The following IGSF21 variants were observed in gnomAD, a reference collection of about 807,000 sequenced individuals.
IGSF21 encodes immunoglobulin superfamily member 21.
IGSF21 carries 28 observed loss-of-function variants against 46.8 expected under a neutral mutation model. The ratio of observed to expected loss-of-function variants is 0.60; its 90% CI spans 0.44 to 0.82. The LOEUF (loss-of-function observed/expected upper bound fraction) is 0.82. Among genes scored for constraint, IGSF21 ranks in the 40% least tolerant of loss-of-function variants. The pLI, the probability that IGSF21 is intolerant of heterozygous loss-of-function variation, is 0.00. For synonymous variants in IGSF21, 284 were observed against 273.6 expected, an observed-to-expected ratio of 1.04 and a Z score of -0.38; for missense variants, 624 against 665.5, an observed-to-expected ratio of 0.94 and a Z score of 0.69.
chr1:18,166,790 G>A (rs1333590262), intron 1 of IGSF21: 1 of 152,494 alleles, frequency 6.6e-6, no homozygotes, highest in Non-Finnish European at 1.5e-5. Context: ...CCCAAATGGG[G>A]AAGGGAGACT....
rs117354253 is a variant in IGSF21, at chr1:18,148,035, T to A, written c.70+39837T>A. ...AAGACATCTCTTTGCTCTTCCTTCA[T>A]CTTTCGCCATGATTGTGAGGCCTCC... On this transcript the variant is annotated intron_variant, in intron 1 of 9. Transcript: ENST00000251296. Among the ~76,000 whole-genome samples the A allele has an allele frequency of 3.1e-3, 465 of 152,236 alleles. 13 individuals carry two copies. The East Asian group carries it at 0.074, about 24-fold the overall frequency.
chr1:18,362,856 A>G (rs2086116994), intron 5 of IGSF21, among the ~76,000 whole-genome samples: 1 of 152,206 alleles, frequency 6.6e-6, no homozygotes, highest in Non-Finnish European at 1.5e-5. Flanking sequence ...GGGGTGGGGC[A>G]GGAGGTGCAG....
At chr1:18,315,962 A>G (rs547314645) in intron 3 of IGSF21, among the ~76,000 whole-genome samples, 1 of 152,290 alleles carries the variant, frequency 6.6e-6, no homozygotes, top group East Asian at 1.9e-4. Flanking sequence ...CCTCCAGCAT[A>G]TGCTTGACAT....
chr1:18,343,735 C>T (rs1193129334), intron 4 of IGSF21, among the ~76,000 whole-genome samples: 1 of 152,210 alleles, frequency 6.6e-6, no homozygotes, highest in Non-Finnish European at 1.5e-5. Flanking sequence ...GCATCCTTGT[C>T]GAAAATCAAT....
intron 3 of IGSF21, among the ~76,000 whole-genome samples, chr1:18,304,708 T>TAC (rs931235898): frequency 0.029 from 1,867 of 63,318 alleles, 22 homozygotes; most frequent in South Asian, 0.068. Context: ...CACACACACA[T>TAC]ACACACACAC....
chr1:18,289,202 C>T (rs116363054), intron 2 of IGSF21, among the ~76,000 whole-genome samples: 2,125 of 152,206 alleles, frequency 0.014, 23 homozygotes, highest in Non-Finnish European at 0.019. Flanking sequence ...ATAAGGGCTG[C>T]CGCATTTTAG....
At chr1:18,354,034 A>G (rs933996006) in intron 4 of IGSF21, among the ~76,000 whole-genome samples, 1 of 152,246 alleles carries the variant, frequency 6.6e-6, no homozygotes, top group Non-Finnish European at 1.5e-5. Flanking sequence ...TCCAGGGAAC[A>G]CGCACTCTAG....
intron 2 of IGSF21, among the ~76,000 whole-genome samples, chr1:18,276,735 G>A (rs2085106463): frequency 6.6e-6 from 1 of 152,074 alleles, no homozygotes; most frequent in African/African-American, 2.4e-5. Flanking sequence ...ATCTACACTG[G>A]GGTTTCTGTT....
intron 2 of IGSF21, among the ~76,000 whole-genome samples, chr1:18,241,124 G>GT (rs2084723194): frequency 6.6e-6 from 1 of 152,204 alleles, no homozygotes; most frequent in African/African-American, 2.4e-5. Context: ...ACACCTGGGA[G>GT]TTGAGAGGAG....
chr1:18,139,200 T>C (rs1053695827), intron 1 of IGSF21, among the ~76,000 whole-genome samples: 8 of 152,234 alleles, frequency 5.3e-5, no homozygotes, highest in Non-Finnish European at 1.0e-4. Flanking sequence ...TAAATCTTGG[T>C]AACACTTTTT....
chr1:18,146,758 C>T (rs2086470340), intron 1 of IGSF21, among the ~76,000 whole-genome samples: 1 of 152,126 alleles, frequency 6.6e-6, no homozygotes, highest in African/African-American at 2.4e-5. Flanking sequence ...CTTTCTTCCA[C>T]ATTTCTCTCT....
At chr1:18,318,417 T>C (rs72936990) in intron 3 of IGSF21, among the ~76,000 whole-genome samples, 2 of 152,322 alleles carry the variant, frequency 1.3e-5, no homozygotes, top group African/African-American at 4.8e-5. Flanking sequence ...AGATCACTTC[T>C]GCAGGCCTTG....
chr1:18,216,050 T>C (rs960401138), intron 1 of IGSF21, among the ~76,000 whole-genome samples: 4 of 152,150 alleles, frequency 2.6e-5, no homozygotes, highest in Admixed American at 2.0e-4. Context: ...CCACATGTTA[T>C]ATTACAATGG....
chr1:18,273,468 CTT>C lies in IGSF21; in HGVS notation c.184-18396_184-18395del, dbSNP rs370164652. Among the ~76,000 whole-genome samples, 79 of 22,698 alleles carry C rather than the reference CTT, an allele frequency of 3.5e-3. 4 individuals carry two copies. The highest frequency in any genetic ancestry group is 0.025 in the Admixed American group (29 of 1,158). 14.9% of individuals were successfully genotyped at this position (22,698 alleles called of 152,430 possible). The stretch of plus-strand genomic sequence containing the variant: ...TCACTTTCTTTCTTTCTCTCTCTTT[CTT>C]TCTTTCTTTCTTTCTTTCTTTCTTT... On this transcript the variant is annotated intron_variant, in intron 2 of 9. Coordinates refer to ENST00000251296, the MANE Select transcript of IGSF21 (RefSeq NM_032880.5).
chr1:18,324,884 C>T (rs2085642771), intron 3 of IGSF21, among the ~76,000 whole-genome samples: 1 of 152,178 alleles, frequency 6.6e-6, no homozygotes, highest in African/African-American at 2.4e-5. Flanking sequence ...GTTATTCCGT[C>T]TTCGGTATCC....
chr1:18,254,034 A>G (rs1170121022), intron 2 of IGSF21, among the ~76,000 whole-genome samples: 1 of 152,132 alleles, frequency 6.6e-6, no homozygotes, highest in African/African-American at 2.4e-5. Flanking sequence ...AGCATTTTAG[A>G]CGTGATCTCT....
intron 1 of IGSF21, chr1:18,112,640 C>G (rs1236828123): frequency 6.6e-6 from 1 of 152,296 alleles, no homozygotes; most frequent in African/African-American, 2.4e-5. Flanking sequence ...CCTCCATGCT[C>G]TGCTGTCTCC....
At chr1:18,128,830 T>C (rs1042132367) in intron 1 of IGSF21, among the ~76,000 whole-genome samples, 1 of 151,856 alleles carries the variant, frequency 6.6e-6, no homozygotes, top group Non-Finnish European at 1.5e-5. Context: ...CTGTGTCACA[T>C]GGGAGGATGA....
intron 1 of IGSF21, among the ~76,000 whole-genome samples, chr1:18,153,271 G>C (rs181602942): frequency 6.6e-6 from 1 of 152,352 alleles, no homozygotes; most frequent in Non-Finnish European, 1.5e-5. Context: ...GTTATAGATG[G>C]TTTTGTCCTC....
Sources: gnomAD v4.1 joint callset for allele counts (sites outside exome capture counted in the v4.1 genomes callset) on GRCh38, gnomAD v4.1.1 for gene constraint, MANE v1.5 for transcripts, NCBI Gene and HGNC (gene_info 2026-07-23, HGNC 2026-07-21) for gene names.